The following BICC1 variants were observed in gnomAD, a reference collection of about 807,000 sequenced individuals.
BICC1 encodes protein bicaudal C homolog 1.
Under a neutral mutation model 111.0 loss-of-function variants are expected in BICC1, and 43 were observed. The observed-to-expected ratio is 0.39, with a 90% CI of 0.30 to 0.50. The LOEUF (loss-of-function observed/expected upper bound fraction) is 0.50, where lower values mean the gene tolerates loss of function less well. Ranked by LOEUF, BICC1 falls within the 20% of genes least tolerant of loss-of-function variation. The pLI, the probability that BICC1 is intolerant of heterozygous loss-of-function variation, is 0.88. For missense variants in BICC1, 1,091 were observed against 1,203.2 expected, an observed-to-expected ratio of 0.91 and a Z score of 1.38; for synonymous variants, 467 against 434.4, an observed-to-expected ratio of 1.07 and a Z score of -0.93.
chr10:58,780,664 A>C (rs1842859622), intron 3 of BICC1, among the ~76,000 whole-genome samples: 1 of 152,198 alleles, frequency 6.6e-6, no homozygotes, highest in Non-Finnish European at 1.5e-5. Context: ...AGGCAGTAAA[A>C]TATTCACTAA....
intron 2 of BICC1, among the ~76,000 whole-genome samples, chr10:58,666,340 A>C (rs1000098425): frequency 1.3e-5 from 2 of 152,204 alleles, no homozygotes. Context: ...TTTCAGGTGC[A>C]TATTACTAAG....
chr10:58,523,813 T>C (rs553188013), intron 1 of BICC1, among the ~76,000 whole-genome samples: 1 of 152,298 alleles, frequency 6.6e-6, no homozygotes, highest in African/African-American at 2.4e-5. Context: ...CCCCATCGTC[T>C]CAGCCCAAAA....
intron 2 of BICC1, among the ~76,000 whole-genome samples, chr10:58,639,062 A>G (rs923732078): frequency 2.0e-5 from 3 of 152,116 alleles, no homozygotes; most frequent in African/African-American, 7.2e-5. Flanking sequence ...GCATTACTTC[A>G]TATAATTATC....
At chr10:58,634,689 A>C (rs1837902207) in intron 2 of BICC1, among the ~76,000 whole-genome samples, 1 of 151,894 alleles carries the variant, frequency 6.6e-6, no homozygotes, top group African/African-American at 2.4e-5. Context: ...GCCAGCCCCC[A>C]CCCCACTGTG....
chr10:58,680,501 A>C (rs1444558293), intron 2 of BICC1, among the ~76,000 whole-genome samples: 1 of 152,174 alleles, frequency 6.6e-6, no homozygotes, highest in African/African-American at 2.4e-5. Context: ...ATAACTACAA[A>C]CCACTGCACA....
chr10:58,558,771 C>G (rs887068240), intron 1 of BICC1, among the ~76,000 whole-genome samples: 5 of 152,030 alleles, frequency 3.3e-5, no homozygotes, highest in African/African-American at 1.2e-4. Context: ...AGTCCAAGAT[C>G]AAGGTGCTAA....
At chr10:58,739,346 G>C (rs936007212) in intron 3 of BICC1, among the ~76,000 whole-genome samples, 23 of 152,078 alleles carry the variant, frequency 1.5e-4, no homozygotes, top group Non-Finnish European at 2.8e-4. Flanking sequence ...TAATCATATG[G>C]TTTTTGTCTT....
rs369767243 is a variant in BICC1 at position 58,657,405 on chromosome 10, G to T, written c.237+36504G>T. 3.9e-5 allele frequency among the ~76,000 whole-genome samples: 6 copies of T among 152,122 alleles called. No homozygotes were observed. In the East Asian group the frequency reaches 1.2e-3, roughly 29 times the overall value. On this transcript the variant is annotated intron_variant, in intron 2 of 20. Coordinates refer to ENST00000373886, the MANE Select transcript of BICC1 (RefSeq NM_001080512.3). Reference sequence around the variant, plus strand: ...TTTTTTGTATGTTCCTGAGGAACGTGCACTAGTAGTTTTTGTGTATCTCAG... The same window carrying T: ...TTTTTTGTATGTTCCTGAGGAACGTTCACTAGTAGTTTTTGTGTATCTCAG...
At chr10:58,641,077 A>G (rs775178215) in intron 2 of BICC1, among the ~76,000 whole-genome samples, 14 of 152,246 alleles carry the variant, frequency 9.2e-5, no homozygotes, top group Non-Finnish European at 1.9e-4. Flanking sequence ...TTCCAAAACA[A>G]TAATACATTC....
At chr10:58,549,006 T>A (rs1843216979) in intron 1 of BICC1, among the ~76,000 whole-genome samples, 1 of 152,068 alleles carries the variant, frequency 6.6e-6, no homozygotes, top group Non-Finnish European at 1.5e-5. Flanking sequence ...ACCACACACC[T>A]GGCCAACGTT....
chr10:58,557,758 C>T (rs1843492587), intron 1 of BICC1, among the ~76,000 whole-genome samples: 1 of 151,968 alleles, frequency 6.6e-6, no homozygotes, highest in Non-Finnish European at 1.5e-5. Context: ...TTTTTAAATA[C>T]ACAGTAACCT....
At chr10:58,709,196 C>T (rs181805217) in intron 3 of BICC1, among the ~76,000 whole-genome samples, 1 of 152,200 alleles carries the variant, frequency 6.6e-6, no homozygotes, top group Admixed American at 6.5e-5. Context: ...GTTAACCAAC[C>T]TTTCTCTATA....
chr10:58,745,599 A>AC (rs1564589090), intron 3 of BICC1, among the ~76,000 whole-genome samples: 70 of 41,726 alleles, frequency 1.7e-3, no homozygotes, highest in Non-Finnish European at 2.3e-3. Context: ...AGAGCCCCCC[A>AC]CCGCCCCCCC....
rs1215767225 is a variant in BICC1, at chr10:58,620,906, G to A, written c.237+5G>A. 5.6e-6 allele frequency: 9 copies of A among 1,612,986 alleles called. No homozygotes were observed. The highest frequency in any genetic ancestry group is 5.9e-6 in the Non-Finnish European group (7 of 1,179,282). On this transcript the variant is annotated splice_donor_5th_base_variant and intron_variant, in intron 2 of 20. Coordinates refer to ENST00000373886, the MANE Select transcript of BICC1 (RefSeq NM_001080512.3). ...GGGGAAGACTTTTTTCAAAAGGTAA[G>A]TTGTCTTTTACTCTTGTCATGGTGA... is the stretch of plus-strand genomic sequence containing the variant.
At chr10:58,714,076 G>C (rs1840660310) in intron 3 of BICC1, among the ~76,000 whole-genome samples, 1 of 152,176 alleles carries the variant, frequency 6.6e-6, no homozygotes, top group Admixed American at 6.5e-5. Context: ...CCCTGCAGAA[G>C]ACAGCCGCCT....
chr10:58,618,213 A>G (rs1845681968), intron 1 of BICC1, among the ~76,000 whole-genome samples: 2 of 152,090 alleles, frequency 1.3e-5, no homozygotes, highest in Admixed American at 1.3e-4. Flanking sequence ...CTGTGTGTCC[A>G]AGGCCTATGT....
intron 2 of BICC1, among the ~76,000 whole-genome samples, chr10:58,672,094 A>G (rs1024252177): frequency 1.3e-5 from 2 of 152,194 alleles, no homozygotes; most frequent in African/African-American, 4.8e-5. Context: ...TATACATAAC[A>G]TGAAATTTAC....
intron 3 of BICC1, among the ~76,000 whole-genome samples, chr10:58,764,339 C>A (rs7091115): frequency 0.77 from 117,024 of 152,038 alleles, 45,514 homozygotes; most frequent in East Asian, 1. Context: ...GAAGTGGAAA[C>A]AAATCTGATT....
chr10:58,740,689 A>C (rs1280207336), intron 3 of BICC1, among the ~76,000 whole-genome samples: 1 of 152,180 alleles, frequency 6.6e-6, no homozygotes, highest in Non-Finnish European at 1.5e-5. Context: ...GCTCCTTAGG[A>C]CAGAGTTTAA....
Sources: gnomAD v4.1 joint callset for allele counts (sites outside exome capture counted in the v4.1 genomes callset) on GRCh38, gnomAD v4.1.1 for gene constraint, MANE v1.5 for transcripts, NCBI Gene and HGNC (gene_info 2026-07-23, HGNC 2026-07-21) for gene names.